The following PSMA1 variants were observed in gnomAD, a reference collection of about 807,000 sequenced individuals.
The protein encoded by PSMA1 is proteasome 20S subunit alpha 1, also known as proteasome subunit alpha type-1.
Under a neutral mutation model 38.4 loss-of-function variants are expected in PSMA1, and 3 were observed. The observed-to-expected ratio is 0.08, with a 90% CI of 0.04 to 0.20. PSMA1 has a LOEUF of 0.20. Ranked by LOEUF, PSMA1 falls within the 10% of genes least tolerant of loss-of-function variation. The pLI, the probability that PSMA1 is intolerant of heterozygous loss-of-function variation, is 1.00. For missense variants in PSMA1, 227 were observed against 325.3 expected (o/e 0.70, Z 2.32); for synonymous variants, 101 against 107.1 (o/e 0.94, Z 0.35).
At chr11:14,597,353 G>A (rs58663688) in intron 2 of PSMA1, among the ~76,000 whole-genome samples, 20,148 of 152,082 alleles carry the variant, frequency 0.13, 1,551 homozygotes, top group African/African-American at 0.2. Context: ...GGTAGAATTC[G>A]GTTGTGAATC....
At chr11:14,610,918 T>G (rs1827038497) in intron 2 of PSMA1, 1 of 1,589,270 alleles carries the variant, frequency 6.3e-7, no homozygotes, top group African/African-American at 1.3e-5. Flanking sequence ...TAGTGAGATG[T>G]GAAATCTATG....
chr11:14,601,749 G>C (rs763815392), intron 2 of PSMA1, among the ~76,000 whole-genome samples: 5 of 152,114 alleles, frequency 3.3e-5, no homozygotes, highest in Non-Finnish European at 7.3e-5. Flanking sequence ...CAGGTAACTT[G>C]TCCGAGGCCA....
intron 2 of PSMA1, among the ~76,000 whole-genome samples, chr11:14,566,300 G>A (rs1161913259): frequency 6.6e-6 from 1 of 152,198 alleles, no homozygotes; most frequent in Non-Finnish European, 1.5e-5. Flanking sequence ...GCAAGTGAAA[G>A]GCAGAGTGGC....
intron 1 of PSMA1, among the ~76,000 whole-genome samples, chr11:14,641,143 G>A (rs762400634): frequency 7.9e-5 from 12 of 151,668 alleles, no homozygotes; most frequent in African/African-American, 2.2e-4. Context: ...AAACCTGTAC[G>A]TTCTGCACAT....
intron 1 of PSMA1, among the ~76,000 whole-genome samples, chr11:14,638,433 T>C (rs1379514221): frequency 6.7e-6 from 1 of 149,670 alleles, no homozygotes; most frequent in Non-Finnish European, 1.5e-5. Context: ...GCTAATGAAC[T>C]AGATGAATCC....
intron 8 of PSMA1, among the ~76,000 whole-genome samples, chr11:14,510,477 A>G (rs1264462294): frequency 6.6e-6 from 1 of 152,128 alleles, no homozygotes; most frequent in Non-Finnish European, 1.5e-5. Flanking sequence ...GTACTTATGT[A>G]TATACTGTCT....
chr11:14,616,527 C>T (rs369990353), intron 1 of PSMA1, among the ~76,000 whole-genome samples: 49 of 152,048 alleles, frequency 3.2e-4, no homozygotes, highest in African/African-American at 9.4e-4. Flanking sequence ...CCACTGTGCC[C>T]GATCAGATCC....
chr11:14,569,619 G>A (rs534564910), intron 2 of PSMA1, among the ~76,000 whole-genome samples: 1 of 152,324 alleles, frequency 6.6e-6, no homozygotes, highest in African/African-American at 2.4e-5. Context: ...TGCTAGCACA[G>A]CAGTCTGAGA....
At chr11:14,603,897 G>A (rs945701711) in intron 2 of PSMA1, among the ~76,000 whole-genome samples, 7 of 152,182 alleles carry the variant, frequency 4.6e-5, no homozygotes, top group Non-Finnish European at 8.8e-5. Flanking sequence ...TAGATCTGGT[G>A]ACAGGGATAC....
intron 1 of PSMA1, among the ~76,000 whole-genome samples, chr11:14,617,824 G>A (rs1237205893): frequency 1.3e-5 from 2 of 151,968 alleles, no homozygotes; most frequent in Non-Finnish European, 2.9e-5. Context: ...GAGGTGTAAG[G>A]AACAACACAG....
chr11:14,529,468 C>A (rs1851622544), intron 2 of PSMA1, among the ~76,000 whole-genome samples: 2 of 152,126 alleles, frequency 1.3e-5, no homozygotes, highest in South Asian at 4.1e-4. Context: ...TCTAAAATTT[C>A]TCTCCTAATC....
intron 2 of PSMA1, among the ~76,000 whole-genome samples, chr11:14,557,227 T>A (rs1221901503): frequency 2.0e-5 from 3 of 152,112 alleles, no homozygotes; most frequent in Non-Finnish European, 2.9e-5. Context: ...GAGATTTTTT[T>A]AACTTTATCT....
chr11:14,639,376 T>C (rs1332293140), intron 1 of PSMA1, among the ~76,000 whole-genome samples: 1 of 152,210 alleles, frequency 6.6e-6, no homozygotes, highest in Non-Finnish European at 1.5e-5. Context: ...TCTATTAAAA[T>C]TCATTGACTA....
intron 2 of PSMA1, among the ~76,000 whole-genome samples, chr11:14,582,551 C>T (rs1414418680): frequency 6.6e-6 from 1 of 152,172 alleles, no homozygotes; most frequent in African/African-American, 2.4e-5. Context: ...TGGAGTCTCA[C>T]TCTATCACCA....
chr11:14,512,773 G>A (rs1293418123), intron 7 of PSMA1, among the ~76,000 whole-genome samples: 1 of 152,168 alleles, frequency 6.6e-6, no homozygotes, highest in Non-Finnish European at 1.5e-5. Flanking sequence ...ACAACTATAT[G>A]CTGTGCGCTT....
intron 2 of PSMA1, among the ~76,000 whole-genome samples, chr11:14,606,621 A>G (rs1852646693): frequency 6.6e-6 from 1 of 152,236 alleles, no homozygotes; most frequent in Non-Finnish European, 1.5e-5. Flanking sequence ...ATGTGCATCA[A>G]AAGCCTTTAT....
At chr11:14,602,670 A>T (rs1028782918) in intron 2 of PSMA1, among the ~76,000 whole-genome samples, 4 of 152,186 alleles carry the variant, frequency 2.6e-5, no homozygotes, top group African/African-American at 7.2e-5. Flanking sequence ...GTTTAAATAA[A>T]TAAACTTGGA....
At chr11:14,630,484 T>C (rs1273871522) in intron 1 of PSMA1, among the ~76,000 whole-genome samples, 4 of 152,186 alleles carry the variant, frequency 2.6e-5, no homozygotes, top group African/African-American at 7.2e-5. Flanking sequence ...TTTGCGTATA[T>C]TGAACCAGCC....
intron 1 of PSMA1, among the ~76,000 whole-genome samples, chr11:14,627,392 G>GA (rs2133715448): frequency 6.6e-6 from 1 of 152,266 alleles, no homozygotes; most frequent in South Asian, 2.1e-4. Context: ...CGGGTTTAAT[G>GA]AATCAGAATC....
Sources: allele counts gnomAD v4.1 joint callset (sites outside exome capture counted in the v4.1 genomes callset), GRCh38; gene constraint gnomAD v4.1.1; transcripts MANE v1.5; gene names NCBI Gene and HGNC (gene_info 2026-07-23, HGNC 2026-07-21).